The following AUTS2 variants were observed in gnomAD, a reference collection of about 807,000 sequenced individuals.
AUTS2 encodes activator of transcription and developmental regulator AUTS2, also known as autism susceptibility gene 2 protein.
Under a neutral mutation model 112.4 loss-of-function variants are expected in AUTS2, and 17 were observed. The ratio of observed to expected loss-of-function variants is 0.15; its 90% CI spans 0.10 to 0.23. AUTS2 has a LOEUF of 0.23. AUTS2 is among the 10% of genes least tolerant of loss of function. The pLI is 1.00. For missense variants in AUTS2, 1,510 were observed against 1,701.6 expected, an observed-to-expected ratio of 0.89 and a Z score of 1.98; for synonymous variants, 751 against 702.7, an observed-to-expected ratio of 1.07 and a Z score of -1.09.
At chr7:69,926,126 T>G (rs1795997208) in intron 2 of AUTS2, among the ~76,000 whole-genome samples, 1 of 152,194 alleles carries the variant, frequency 6.6e-6, no homozygotes, top group African/African-American at 2.4e-5. Context: ...AGGAACGTAA[T>G]TTTCTTCTGT....
At chr7:70,602,384 G>T (rs1375868160) in intron 5 of AUTS2, among the ~76,000 whole-genome samples, 1 of 152,190 alleles carries the variant, frequency 6.6e-6, no homozygotes, top group Non-Finnish European at 1.5e-5. Context: ...ACCTGACCCA[G>T]TGTTTTCATC....
chr7:69,915,156 G>C (rs1795525319), intron 2 of AUTS2, among the ~76,000 whole-genome samples: 1 of 152,188 alleles, frequency 6.6e-6, no homozygotes, highest in Non-Finnish European at 1.5e-5. Flanking sequence ...TTCAAAGGGA[G>C]ACAAGGTTGA....
rs181160354 is a variant in AUTS2 at position 70,625,383 on chromosome 7, A to G, written c.691-73186A>G. Among the ~76,000 whole-genome samples, 34 of 152,264 alleles carry G rather than the reference A, an allele frequency of 2.2e-4. No homozygotes were observed. The East Asian group carries it at 6.2e-3, about 28-fold the overall frequency. On this transcript the variant is annotated intron_variant, in intron 5 of 18. Transcript: ENST00000342771. ...AGCCGTTGAAGTTGCTGTTTCCTCC[A>G]CGTGTTCAACCTTTGGGATTCACAC...
chr7:70,277,404 A>G (rs1787980300), intron 4 of AUTS2, among the ~76,000 whole-genome samples: 1 of 152,228 alleles, frequency 6.6e-6, no homozygotes, highest in South Asian at 2.1e-4. Flanking sequence ...ACTGTCACAG[A>G]GACTTTAAAG....
intron 3 of AUTS2, among the ~76,000 whole-genome samples, chr7:70,122,320 C>T (rs1377572524): frequency 6.6e-6 from 1 of 152,014 alleles, no homozygotes; most frequent in Non-Finnish European, 1.5e-5. Flanking sequence ...CTGAATTACA[C>T]AATTAAAAAA....
intron 2 of AUTS2, among the ~76,000 whole-genome samples, chr7:69,954,625 T>A (rs1273997822): frequency 3.9e-5 from 6 of 152,254 alleles, no homozygotes; most frequent in Non-Finnish European, 8.8e-5. Flanking sequence ...AGTAATGTGC[T>A]GGCCAAATAA....
At chr7:70,273,581 C>G (rs1269299837) in intron 4 of AUTS2, among the ~76,000 whole-genome samples, 2 of 151,846 alleles carry the variant, frequency 1.3e-5, no homozygotes, top group African/African-American at 4.8e-5. Flanking sequence ...AATGTAAACT[C>G]TAATACAAGA....
intron 3 of AUTS2, among the ~76,000 whole-genome samples, chr7:70,130,228 A>T (rs537852473): frequency 3.3e-5 from 5 of 152,330 alleles, no homozygotes; most frequent in Admixed American, 6.5e-5. Context: ...CTAGGGGTGG[A>T]GTACACATGT....
chr7:69,962,251 G>A (rs1797461264), intron 2 of AUTS2, among the ~76,000 whole-genome samples: 2 of 152,100 alleles, frequency 1.3e-5, no homozygotes, highest in Admixed American at 6.6e-5. Flanking sequence ...ACTTAGCTTG[G>A]AGCTGGTGCC....
At chr7:70,633,895 T>C (rs1805400587) in intron 5 of AUTS2, among the ~76,000 whole-genome samples, 1 of 152,158 alleles carries the variant, frequency 6.6e-6, no homozygotes, top group African/African-American at 2.4e-5. Context: ...TGTTCATCAT[T>C]GTCGGATGCT....
At chr7:70,785,318 C>T in intron 16 of AUTS2, 1 of 593,608 alleles carries the variant, frequency 1.7e-6, no homozygotes, top group Non-Finnish European at 3.2e-6. Flanking sequence ...TCCGAGTTTA[C>T]AACAGCCTGT....
intron 4 of AUTS2, among the ~76,000 whole-genome samples, chr7:70,145,491 T>C (rs1489382307): frequency 1.3e-5 from 2 of 152,148 alleles, no homozygotes; most frequent in South Asian, 2.1e-4. Context: ...AGCAGTATTA[T>C]GTAAAAATAG....
intron 4 of AUTS2, among the ~76,000 whole-genome samples, chr7:70,328,670 G>A (rs1790604641): frequency 1.3e-5 from 2 of 152,082 alleles, no homozygotes; most frequent in Admixed American, 1.3e-4. Flanking sequence ...GAGCAAATAA[G>A]CAATAAGTAA....
intron 5 of AUTS2, among the ~76,000 whole-genome samples, chr7:70,591,990 A>T (rs1802970050): frequency 6.6e-6 from 1 of 152,226 alleles, no homozygotes; most frequent in Non-Finnish European, 1.5e-5. Context: ...TGAAAATAAT[A>T]ACAAAAAATG....
chr7:70,661,724 G>A (rs952753792), intron 5 of AUTS2, among the ~76,000 whole-genome samples: 40 of 152,124 alleles, frequency 2.6e-4, no homozygotes, highest in Non-Finnish European at 5.1e-4. Flanking sequence ...TCTGTAGATC[G>A]ATGCTGGTGT....
chr7:69,774,415 A>G (rs1221898731), intron 1 of AUTS2, among the ~76,000 whole-genome samples: 1 of 152,188 alleles, frequency 6.6e-6, no homozygotes, highest in Non-Finnish European at 1.5e-5. Flanking sequence ...AAATAAGTAA[A>G]TATCTTTTGA....
chr7:70,595,555 G>C (rs1318017164), intron 5 of AUTS2, among the ~76,000 whole-genome samples: 1 of 152,022 alleles, frequency 6.6e-6, no homozygotes, highest in Non-Finnish European at 1.5e-5. Flanking sequence ...TGTAAGGAAG[G>C]CAGCCCCAAG....
intron 1 of AUTS2, among the ~76,000 whole-genome samples, chr7:69,716,007 G>C (rs1473384328): frequency 6.6e-6 from 1 of 152,208 alleles, no homozygotes; most frequent in Non-Finnish European, 1.5e-5. Flanking sequence ...CTGTCTGGCT[G>C]ATGGCAAAGA....
intron 1 of AUTS2, among the ~76,000 whole-genome samples, chr7:69,861,168 A>AGG (rs912209816): frequency 5.4e-5 from 8 of 148,656 alleles, no homozygotes; most frequent in African/African-American, 2.0e-4. Flanking sequence ...GATTTGTAGG[A>AGG]GGGGGTGGGA....
Sources: allele counts gnomAD v4.1 joint callset (sites outside exome capture counted in the v4.1 genomes callset), GRCh38; gene constraint gnomAD v4.1.1; transcripts MANE v1.5; gene names NCBI Gene and HGNC (gene_info 2026-07-23, HGNC 2026-07-21).